The following PPP2R5C variants were observed in gnomAD, a reference collection of about 807,000 sequenced individuals.
PPP2R5C encodes protein phosphatase 2 regulatory subunit B'gamma.
Under a neutral mutation model 68.9 loss-of-function variants are expected in PPP2R5C, and 7 were observed. The ratio of observed to expected loss-of-function variants is 0.10; its 90% confidence interval spans 0.06 to 0.19. The LOEUF (loss-of-function observed/expected upper bound fraction) is 0.19. Ranked by LOEUF, PPP2R5C falls within the 10% of genes least tolerant of loss-of-function variation. PPP2R5C has a pLI of 1.00. For missense variants in PPP2R5C, 348 were observed against 641.3 expected (o/e 0.54, Z 4.94); for synonymous variants, 210 against 222.2 (o/e 0.95, Z 0.49).
chr14:101,836,103 A>G, intron 1 of PPP2R5C: 1 of 652,676 alleles, frequency 1.5e-6, no homozygotes, highest in East Asian at 2.7e-5. Flanking sequence ...AAATTCCTCA[A>G]TCCACAAGCA....
In PPP2R5C at chr14:101,890,227, T is replaced by G; in HGVS notation, c.630-10T>G. ...GTGTCTAATTCTAATGGGAAAATTG[T>G]TTTTTCTAGGTTTATTTATGAAACA... On this transcript the variant is annotated splice_polypyrimidine_tract_variant and intron_variant, in intron 5 of 13. Coordinates refer to ENST00000334743, the Ensembl canonical transcript of PPP2R5C. The G allele has an allele frequency of 6.2e-7, 1 of 1,610,226 alleles. No homozygotes were observed. The highest frequency in any genetic ancestry group is 8.5e-7 in the Non-Finnish European group (1 of 1,177,028).
At position 101,825,250 on chromosome 14, in the gene PPP2R5C, T is replaced by TGTG. The variant is rs2040328685; in HGVS notation, c.94+15215_94+15216insTGG. Among the ~76,000 whole-genome samples the TGTG allele has an allele frequency of 2.1e-4, 21 of 100,118 alleles. No homozygotes were observed. Among genetic ancestry groups the TGTG allele is most frequent in the African/African-American group, 1.0e-3 (21 of 20,438 alleles). The allele number at this position is 100,118 out of a possible 152,430, so 65.7% of individuals were successfully genotyped here. A position where few individuals can be genotyped will look rare whatever the true frequency, so the allele number is the denominator to read the frequency against. On this transcript the variant is annotated intron_variant, in intron 1 of 13. Transcript: ENST00000334743. This position sits in a 1 kb window ranked among gnomAD's most constrained non-coding sequence, Gnocchi z 4.0. ...TGTGTGTGTGTGTGTGTGTGTGTGT[T>TGTG]GATGAATTTATTACTTATTAAAAAA...
At chr14:101,813,871 A>G (rs1267183207) in intron 1 of PPP2R5C, among the ~76,000 whole-genome samples, 2 of 152,174 alleles carry the variant, frequency 1.3e-5, no homozygotes, top group African/African-American at 4.8e-5. Context: ...TCTAATGGAA[A>G]AGTTTATTTT....
intron 1 of PPP2R5C, chr14:101,831,876 G>GT (rs2040766784): frequency 1.6e-6 from 1 of 635,470 alleles, no homozygotes; most frequent in East Asian, 2.8e-5. Context: ...TGGCTTTAAA[G>GT]TTGAGTTTAA....
intron 1 of PPP2R5C, among the ~76,000 whole-genome samples, chr14:101,827,669 A>C (rs1202600367): frequency 2.0e-5 from 3 of 152,230 alleles, no homozygotes; most frequent in Non-Finnish European, 4.4e-5. Flanking sequence ...TTACAGGATG[A>C]AATCCATTAT....
Position 101,878,792 on chromosome 14 carries a change from T to C in PPP2R5C, c.295-3369T>C, listed in dbSNP as rs536005639. ...AAGAGTGATCGCTACTTGAAGTCCA[T>C]TGATTATAGGTGTTAACCACATCTA... On this transcript the variant is annotated intron_variant, in intron 2 of 13. Coordinates refer to ENST00000334743, the Ensembl canonical transcript of PPP2R5C. 3.3e-5 allele frequency among the ~76,000 whole-genome samples: 5 copies of C among 152,316 alleles called. No homozygotes were observed. The East Asian group carries it at 9.6e-4, about 29-fold the overall frequency.
exon 1 of PPP2R5C, chr14:101,809,943 A>G (rs1261872436): frequency 6.2e-7 from 1 of 1,613,214 alleles, no homozygotes; most frequent in African/African-American, 1.3e-5. Flanking sequence ...TGAAGTCTAG[A>G]TGTTGACATG....
At position 101,915,052 on chromosome 14, in the gene PPP2R5C, T is replaced by G. The variant is rs1475669961; in HGVS notation, c.1326+2579T>G. Among the ~76,000 whole-genome samples the G allele has an allele frequency of 1.3e-5, 2 of 151,966 alleles. No individual in the cohort carries two copies. Among genetic ancestry groups the G allele is most frequent in the Non-Finnish European group, 2.9e-5 (2 of 67,990 alleles). Reference sequence around the variant, plus strand: ...GAATGCACCTCAGTGAAGGTTTTTGTTTTGGTTTGGTTTGGTTTGGTTTGA... The same window carrying G: ...GAATGCACCTCAGTGAAGGTTTTTGGTTTGGTTTGGTTTGGTTTGGTTTGA... On this transcript the variant is annotated intron_variant, in intron 12 of 13. Coordinates refer to ENST00000334743, the Ensembl canonical transcript of PPP2R5C. The surrounding 1 kb of genome is among the most constrained non-coding windows in gnomAD (Gnocchi z 4.2).
chr14:101,763,652 A>G (rs2036686294), intron 2 of PPP2R5C, among the ~76,000 whole-genome samples: 1 of 152,094 alleles, frequency 6.6e-6, no homozygotes, highest in Admixed American at 6.5e-5. Flanking sequence ...AGGTGCTGGG[A>G]TTACAGGCCT....
intron 2 of PPP2R5C, among the ~76,000 whole-genome samples, chr14:101,868,186 T>TTGCAGTCAAATTTATTTCAAG (rs2043195523): frequency 6.6e-6 from 1 of 152,158 alleles, no homozygotes; most frequent in African/African-American, 2.4e-5. Flanking sequence ...ACCAATGGAG[T>TTGCAGTCAAATTTATTTCAAG]TGCAGTCAAA....
At chr14:101,834,931 G>T (rs138248895) in intron 1 of PPP2R5C, among the ~76,000 whole-genome samples, 1,738 of 152,312 alleles carry the variant, frequency 0.011, 16 homozygotes, top group Middle Eastern at 0.034. Flanking sequence ...AGGTTAGAAG[G>T]TCTGGCCAGA....
At chr14:101,822,104 C>T (rs2140277462) in intron 1 of PPP2R5C, among the ~76,000 whole-genome samples, 1 of 143,792 alleles carries the variant, frequency 7.0e-6, no homozygotes, top group African/African-American at 2.6e-5. Context: ...ACACACATCC[C>T]TTGCTAAATT....
At chr14:101,922,476 G>A (rs1324213296) in intron 13 of PPP2R5C, among the ~76,000 whole-genome samples, 7 of 137,160 alleles carry the variant, frequency 5.1e-5, no homozygotes, top group Admixed American at 2.8e-4. Flanking sequence ...GTGACAGAGC[G>A]AGACTCTGTG....
At chr14:101,791,229 C>T (rs1227890723) in intron 3 of PPP2R5C, among the ~76,000 whole-genome samples, 1 of 152,192 alleles carries the variant, frequency 6.6e-6, no homozygotes, top group East Asian at 1.9e-4. Flanking sequence ...TCGATTATAG[C>T]TTAATTCTTG....
Position 101,882,071 on chromosome 14 carries a change from C to T in PPP2R5C, c.295-90C>T. On this transcript the variant is annotated intron_variant, in intron 2 of 13. Transcript: ENST00000334743. This position sits in a 1 kb window ranked among gnomAD's most constrained non-coding sequence, Gnocchi z 4.9. Reference sequence around the variant, plus strand: ...GGAGCTAAGTTACCATGGGAAGCGGCTACTGTTAGAATTACCTAAGACTTT... The same window carrying T: ...GGAGCTAAGTTACCATGGGAAGCGGTTACTGTTAGAATTACCTAAGACTTT... 9.4e-7 allele frequency: 1 copy of T among 1,062,336 alleles called. No individual in the cohort carries two copies. The highest frequency in any genetic ancestry group is 1.3e-6 in the Non-Finnish European group (1 of 757,252). The allele number at this position is 1,062,336 out of a possible 1,614,324, so 65.8% of individuals were successfully genotyped here.
chr14:101,900,342 C>T (rs2045605264), intron 8 of PPP2R5C, among the ~76,000 whole-genome samples: 1 of 152,194 alleles, frequency 6.6e-6, no homozygotes, highest in Non-Finnish European at 1.5e-5. Flanking sequence ...GACTAAAAGG[C>T]TGGCCTGCTA....
At chr14:101,845,025 C>G (rs2041739012) in intron 1 of PPP2R5C, among the ~76,000 whole-genome samples, 1 of 151,988 alleles carries the variant, frequency 6.6e-6, no homozygotes, top group Non-Finnish European at 1.5e-5. Flanking sequence ...CCAAGGCTTT[C>G]TAGAACTAGA....
In PPP2R5C at chr14:101,893,152, A is replaced by G. The variant is rs2720219; in HGVS notation, c.798+44A>G. 261,633 of 1,366,716 alleles carry G rather than the reference A, an allele frequency of 0.19. 31,321 individuals carry two copies. The highest frequency in any genetic ancestry group is 0.57 in the African/African-American group (39,639 of 69,746). 84.7% of individuals were successfully genotyped at this position (1,366,716 alleles called of 1,614,324 possible). A position where few individuals can be genotyped will look rare whatever the true frequency, so the allele number is the denominator to read the frequency against. On this transcript the variant is annotated intron_variant, in intron 7 of 13. Transcript: ENST00000334743. ...CTAGGAACACAGCTGTTGGCATTTGATCAGGATTGAACACGAGATAGTGAA... is the reference window on the plus strand; with the variant it reads ...CTAGGAACACAGCTGTTGGCATTTGGTCAGGATTGAACACGAGATAGTGAA...
intron 1 of PPP2R5C, chr14:101,810,124 T>G: frequency 8.0e-7 from 1 of 1,253,658 alleles, no homozygotes; most frequent in Admixed American, 1.9e-5. Context: ...AAGCAGGAAG[T>G]CCTTTCTAGC....
Sources: allele counts gnomAD v4.1 joint callset (sites outside exome capture counted in the v4.1 genomes callset), GRCh38; gene constraint gnomAD v4.1.1; non-coding constraint Gnocchi (gnomAD v3.1); transcripts MANE v1.5; gene names NCBI Gene and HGNC (gene_info 2026-07-23, HGNC 2026-07-21).